The following NBAS variants were observed in gnomAD, a reference collection of about 807,000 sequenced individuals.
NBAS encodes the protein NBAS subunit of NRZ tethering complex, also known as NAG/BC035112 fusion.
Under a neutral mutation model 302.5 loss-of-function variants are expected in NBAS, and 219 were observed. The observed-to-expected ratio is 0.72, with a 90% CI of 0.65 to 0.81. NBAS has a LOEUF of 0.81. Ranked by LOEUF, NBAS falls within the 30% of genes least tolerant of loss-of-function variation. The pLI is 0.00. For synonymous variants in NBAS, 1,118 were observed against 1,021.6 expected (o/e 1.09, Z -1.80); for missense variants, 2,932 against 2,841.6 (o/e 1.03, Z -0.72).
chr2:14,844,128 A>T, the NBAS span, among the ~76,000 whole-genome samples: 1 of 152,170 alleles, frequency 6.6e-6, no homozygotes, highest in Non-Finnish European at 1.5e-5. Context: ...ACAGCTTGTG[A>T]CTACAAAGAA....
the NBAS span, among the ~76,000 whole-genome samples, chr2:14,890,172 A>C: frequency 2.2e-4 from 34 of 152,054 alleles, 2 homozygotes; most frequent in Non-Finnish European, 1.8e-4. Flanking sequence ...TTTCCCTTCC[A>C]CTGGGGTGAC....
the NBAS span, among the ~76,000 whole-genome samples, chr2:14,979,862 C>T: frequency 6.6e-6 from 1 of 152,182 alleles, no homozygotes; most frequent in African/African-American, 2.4e-5. Context: ...GTAATTGTAA[C>T]CCAAAGAGAC....
chr2:15,386,801 T>C (rs998472703), intron 28 of NBAS, among the ~76,000 whole-genome samples: 3 of 152,204 alleles, frequency 2.0e-5, no homozygotes, highest in Non-Finnish European at 4.4e-5. Flanking sequence ...CTGTTGCCAA[T>C]TTTTCTTTTC....
intron 32 of NBAS, among the ~76,000 whole-genome samples, chr2:15,357,315 C>T (rs1673668258): frequency 6.6e-6 from 1 of 152,174 alleles, no homozygotes; most frequent in Admixed American, 6.5e-5. Context: ...TCCACAAACA[C>T]CTTATACAAT....
the NBAS span, among the ~76,000 whole-genome samples, chr2:14,797,080 G>C: frequency 7.3e-6 from 1 of 137,616 alleles, no homozygotes; most frequent in African/African-American, 2.9e-5. Context: ...TGGGCACAGA[G>C]CGAGACTCCG....
chr2:15,374,254 A>G (rs1454422777), intron 31 of NBAS, among the ~76,000 whole-genome samples: 1 of 152,254 alleles, frequency 6.6e-6, no homozygotes, highest in African/African-American at 2.4e-5. Context: ...CAATGGAAAC[A>G]AAATACAGAA....
At chr2:15,387,724 T>C (rs1297953348) in intron 28 of NBAS, among the ~76,000 whole-genome samples, 2 of 151,930 alleles carry the variant, frequency 1.3e-5, no homozygotes, top group East Asian at 3.9e-4. Flanking sequence ...CTCCACTTCC[T>C]GGGCTCAAGC....
intron 50 of NBAS, among the ~76,000 whole-genome samples, chr2:15,184,756 G>C (rs906771453): frequency 1.3e-5 from 2 of 152,198 alleles, no homozygotes; most frequent in African/African-American, 4.8e-5. Context: ...ACACATAACT[G>C]TTACTGAGCC....
At chr2:14,936,499 G>A in the NBAS span, among the ~76,000 whole-genome samples, 22 of 152,290 alleles carry the variant, frequency 1.4e-4, no homozygotes, top group Admixed American at 3.3e-4. Flanking sequence ...GCTTCCTCAC[G>A]GTGAAATATC....
chr2:15,351,278 T>A (rs1395682847), intron 35 of NBAS, among the ~76,000 whole-genome samples: 1 of 152,174 alleles, frequency 6.6e-6, no homozygotes, highest in Non-Finnish European at 1.5e-5. Flanking sequence ...GTATGTATGG[T>A]ACGTATCGAC....
At chr2:15,554,776 G>A (rs1417530067) in intron 3 of NBAS, among the ~76,000 whole-genome samples, 2 of 151,608 alleles carry the variant, frequency 1.3e-5, no homozygotes. Flanking sequence ...TCTCTCCCTG[G>A]AACTATGGTT....
the NBAS span, among the ~76,000 whole-genome samples, chr2:14,928,704 G>T: frequency 6.6e-6 from 1 of 151,606 alleles, no homozygotes; most frequent in Non-Finnish European, 1.5e-5. Flanking sequence ...GACGTTAGTT[G>T]CTACAGTCCA....
At chr2:15,496,754 T>C (rs770817225) in intron 11 of NBAS, among the ~76,000 whole-genome samples, 2 of 152,196 alleles carry the variant, frequency 1.3e-5, no homozygotes, top group Non-Finnish European at 2.9e-5. Flanking sequence ...AATACACCTA[T>C]TCTATTCCAG....
intron 32 of NBAS, among the ~76,000 whole-genome samples, chr2:15,356,939 T>C (rs1254670736): frequency 1.2e-4 from 19 of 152,254 alleles, no homozygotes. Flanking sequence ...TGAGCCTTAC[T>C]GGGCCCTGTC....
chr2:15,327,579 G>A (rs1394733384), intron 38 of NBAS, among the ~76,000 whole-genome samples, 171 bp downstream of exon 38: 1 of 152,102 alleles, frequency 6.6e-6, no homozygotes, highest in Non-Finnish European at 1.5e-5. Context: ...CTCAATAAGT[G>A]TTTTAAACAA....
the NBAS span, among the ~76,000 whole-genome samples, chr2:14,976,262 C>G: frequency 2.6e-5 from 4 of 152,182 alleles, no homozygotes; most frequent in African/African-American, 9.7e-5. Context: ...GCCGAGGAGA[C>G]TGAGATAAGT....
the NBAS span, among the ~76,000 whole-genome samples, chr2:15,083,985 T>C: frequency 6.6e-6 from 1 of 152,118 alleles, no homozygotes; most frequent in Non-Finnish European, 1.5e-5. Context: ...AAAAAAACTA[T>C]AGAAAACATT....
the NBAS span, among the ~76,000 whole-genome samples, chr2:14,946,680 A>AT: frequency 6.6e-6 from 1 of 152,230 alleles, no homozygotes; most frequent in Non-Finnish European, 1.5e-5. Flanking sequence ...ACTAGACCTA[A>AT]TAGACCTAAC....
chr2:14,800,626 T>G, the NBAS span, among the ~76,000 whole-genome samples: 364 of 152,346 alleles, frequency 2.4e-3, no homozygotes, highest in African/African-American at 8.0e-3. Flanking sequence ...CAGTATGTCT[T>G]CAATTTGTGA....
Sources: gnomAD v4.1 joint callset for allele counts (sites outside exome capture counted in the v4.1 genomes callset) on GRCh38, gnomAD v4.1.1 for gene constraint, MANE v1.5 for transcripts, NCBI Gene and HGNC (gene_info 2026-07-23, HGNC 2026-07-21) for gene names.